GALNT10: variants seen among roughly 807,000 people sequenced by gnomAD.
GALNT10 encodes the protein polypeptide N-acetylgalactosaminyltransferase 10.
In GALNT10, 41 loss-of-function variants were observed where a neutral mutation model predicts 75.0. That is an observed-to-expected ratio of 0.55 (90% CI 0.43 to 0.71). GALNT10 has a LOEUF of 0.71. Ranked by LOEUF, GALNT10 falls within the 30% of genes least tolerant of loss-of-function variation. GALNT10 has a pLI of 0.00. For missense variants in GALNT10, 727 were observed against 818.5 expected, an observed-to-expected ratio of 0.89 and a Z score of 1.36; for synonymous variants, 302 against 313.0, an observed-to-expected ratio of 0.96 and a Z score of 0.37.
intron 1 of GALNT10, among the ~76,000 whole-genome samples, chr5:154,222,346 A>G (rs1325212886): frequency 6.6e-6 from 1 of 151,918 alleles, no homozygotes; most frequent in Non-Finnish European, 1.5e-5. Context: ...TGGATAGACT[A>G]ATTCATTTAT....
At position 154,369,150 on chromosome 5, in the gene GALNT10, G is replaced by A. The variant is rs189724145; in HGVS notation, c.569-7127G>A. ...TGCCTGTAATCCCAGCACTTTGGGA[G>A]GCCGAAGTGGGTGGATCACTTCAGA... On this transcript the variant is annotated intron_variant, in intron 4 of 11. Coordinates refer to ENST00000297107, the MANE Select transcript of GALNT10 (RefSeq NM_198321.4). 1.9e-4 allele frequency among the ~76,000 whole-genome samples: 29 copies of A among 152,326 alleles called. No individual in the cohort carries two copies. In the East Asian group the frequency reaches 5.4e-3, roughly 28 times the overall value.
chr5:154,257,314 T>G (rs894773578), intron 1 of GALNT10, among the ~76,000 whole-genome samples: 3 of 152,190 alleles, frequency 2.0e-5, no homozygotes, highest in African/African-American at 7.2e-5. Flanking sequence ...TATACCTTCA[T>G]GTCTTTGTGA....
chr5:154,199,515 G>T (rs1774992689), intron 1 of GALNT10, among the ~76,000 whole-genome samples: 1 of 152,190 alleles, frequency 6.6e-6, no homozygotes, highest in Admixed American at 6.5e-5. Context: ...TCAGGCTCCA[G>T]TTCAGGACAG....
intron 6 of GALNT10, 114 bp from the exon 7 acceptor site, chr5:154,386,199 G>A: frequency 4.1e-6 from 3 of 733,984 alleles, no homozygotes; most frequent in East Asian, 2.5e-5. Context: ...CACTTGGACT[G>A]TGTTCAGGGA....
intron 2 of GALNT10, among the ~76,000 whole-genome samples, chr5:154,295,258 A>T (rs900809702): frequency 7.9e-5 from 12 of 152,296 alleles, no homozygotes; most frequent in Admixed American, 5.2e-4. Flanking sequence ...CCCTTATGAG[A>T]TTACAACTAA....
intron 5 of GALNT10, among the ~76,000 whole-genome samples, chr5:154,380,201 AGAG>A (rs1174441147): frequency 1.3e-5 from 2 of 152,134 alleles, no homozygotes; most frequent in Admixed American, 6.5e-5. Context: ...CCCATTGCAT[AGAG>A]GAGAACACTG....
rs924387284 is a variant in GALNT10 at position 154,309,395 on chromosome 5, CAG to C, written c.401+11321_401+11322del. On this transcript the variant is annotated intron_variant, in intron 3 of 11. Coordinates refer to ENST00000297107, the MANE Select transcript of GALNT10 (RefSeq NM_198321.4). ...CGGGATGCCACTGGAAGGTTTTGAA[CAG>C]AGAGTGACATGATCTGATTTTCATG... Among the ~76,000 whole-genome samples the C allele has an allele frequency of 2.2e-4, 33 of 152,230 alleles. 1 individual carries two copies. Among genetic ancestry groups the C allele is most frequent in the Middle Eastern group, 6.8e-3 (2 of 294 alleles).
chr5:154,219,145 C>T (rs78972055), intron 1 of GALNT10, among the ~76,000 whole-genome samples: 1 of 152,176 alleles, frequency 6.6e-6, no homozygotes, highest in Non-Finnish European at 1.5e-5. Context: ...TCGCCTTTGG[C>T]TCCCAATGTA....
chr5:154,381,485 A>G (rs1755734157), intron 6 of GALNT10, among the ~76,000 whole-genome samples: 1 of 152,222 alleles, frequency 6.6e-6, no homozygotes, highest in Admixed American at 6.5e-5. Flanking sequence ...CTCTGGATAC[A>G]AAGCCGAAGC....
chr5:154,410,377 CAAA>C (rs58402180), intron 9 of GALNT10, among the ~76,000 whole-genome samples: 9,817 of 86,940 alleles, frequency 0.11, 508 homozygotes, highest in African/African-American at 0.24. Flanking sequence ...CCTGTCTCTA[CAAA>C]AAAAAAAAAA....
intron 2 of GALNT10, among the ~76,000 whole-genome samples, chr5:154,295,254 T>C (rs1349009414): frequency 6.6e-6 from 1 of 152,200 alleles, no homozygotes; most frequent in East Asian, 1.9e-4. Context: ...CTCTCCCTTA[T>C]GAGATTACAA....
At chr5:154,368,890 G>GT (rs1310449899) in intron 4 of GALNT10, among the ~76,000 whole-genome samples, 8 of 152,234 alleles carry the variant, frequency 5.3e-5, no homozygotes. Flanking sequence ...TTGCCAGGCA[G>GT]AATAGAGAGA....
intron 3 of GALNT10, among the ~76,000 whole-genome samples, chr5:154,324,881 G>A (rs1754733393): frequency 6.6e-6 from 1 of 152,062 alleles, no homozygotes. Flanking sequence ...CCTTATTTCT[G>A]TAAAATGTTG....
chr5:154,408,276 T>G (rs1457436479), intron 8 of GALNT10, among the ~76,000 whole-genome samples: 1 of 152,184 alleles, frequency 6.6e-6, no homozygotes, highest in Non-Finnish European at 1.5e-5. Context: ...TCCTTCACAC[T>G]GAGGTGCAAA....
intron 4 of GALNT10, among the ~76,000 whole-genome samples, chr5:154,340,365 C>T (rs928099247): frequency 6.6e-6 from 1 of 152,134 alleles, no homozygotes; most frequent in African/African-American, 2.4e-5. Context: ...TCTTTATAGA[C>T]AACATTTGCC....
chr5:154,410,627 G>A (rs1466392693), intron 9 of GALNT10, among the ~76,000 whole-genome samples: 1 of 152,154 alleles, frequency 6.6e-6, no homozygotes, highest in African/African-American at 2.4e-5. Flanking sequence ...GGGCAGTAAC[G>A]CAAGTAAGAA....
At chr5:154,415,729 A>C (rs1381250503) in intron 10 of GALNT10, 54 bp from the exon 11 acceptor site, 11 of 1,527,576 alleles carry the variant, frequency 7.2e-6, no homozygotes, top group Admixed American at 2.1e-5. Context: ...AAAATGGAGA[A>C]AAAAAGAAAG....
At chr5:154,345,728 T>C (rs1271747718) in intron 4 of GALNT10, among the ~76,000 whole-genome samples, 3 of 150,030 alleles carry the variant, frequency 2.0e-5, no homozygotes, top group Non-Finnish European at 4.4e-5. Flanking sequence ...TTGACTTCTC[T>C]GGGCTCCAGC....
chr5:154,195,930 GT>G (rs932228317), intron 1 of GALNT10, among the ~76,000 whole-genome samples: 3 of 150,432 alleles, frequency 2.0e-5, no homozygotes, highest in African/African-American at 4.9e-5. Context: ...TTTTGTTTTT[GT>G]TTTTTTTTGA....
Sources: allele counts gnomAD v4.1 joint callset (sites outside exome capture counted in the v4.1 genomes callset), GRCh38; gene constraint gnomAD v4.1.1; transcripts MANE v1.5; gene names NCBI Gene and HGNC (gene_info 2026-07-23, HGNC 2026-07-21).